Variants in TRPM7 observed in about 807,000 individuals in gnomAD.
TRPM7 encodes transient receptor potential cation channel subfamily M member 7.
In TRPM7, 134 loss-of-function variants were observed where a neutral mutation model predicts 229.7. That is an observed-to-expected ratio of 0.58 (90% CI 0.51 to 0.67). TRPM7 has a LOEUF of 0.67. TRPM7 is among the 30% of genes least tolerant of loss of function. TRPM7 has a pLI of 0.00. For synonymous variants in TRPM7, 699 were observed against 715.2 expected, an observed-to-expected ratio of 0.98 and a Z score of 0.36; for missense variants, 1,901 against 2,210.0, an observed-to-expected ratio of 0.86 and a Z score of 2.80.
chr15:50,573,879 T>C (rs1318319875), intron 36 of TRPM7, among the ~76,000 whole-genome samples: 1 of 152,090 alleles, frequency 6.6e-6, no homozygotes, highest in Non-Finnish European at 1.5e-5. Flanking sequence ...GCCAACATGG[T>C]GAAACCTTGT....
Position 50,592,529 on chromosome 15 carries a change from G to A in TRPM7, c.3706C>T (p.Gln1236Ter). 6.2e-7 allele frequency: 1 copy of A among 1,613,526 alleles called. No homozygotes were observed. Among genetic ancestry groups the A allele is most frequent in the Non-Finnish European group, 8.5e-7 (1 of 1,179,982 alleles). ...QSLDSQIGHL[Q>*]DLSALTVDTL... ...TCTACCGTCAGGGCTGAAAGATCTT[G>A]CAAATGGCCAATTTGAGAATCTAAT... Residue 1236 changes from glutamine to a stop codon, truncating the protein, a stop_gained, in exon 26 of 39, where the codon CAA becomes TAA. Transcript: ENST00000646667. LOFTEE classifies it high-confidence loss of function.
Position 50,558,380 on chromosome 15 carries a change from C to T in TRPM7, c.*3298G>A, listed in dbSNP as rs1280711037. 1.3e-5 allele frequency: 2 copies of T among 152,130 alleles called. No individual in the cohort carries two copies. Among genetic ancestry groups the T allele is most frequent in the African/African-American group, 4.8e-5 (2 of 41,402 alleles). The allele number at this position is 152,130 out of a possible 1,614,324, so 9.4% of individuals were successfully genotyped here. A position where few individuals can be genotyped will look rare whatever the true frequency, so the allele number is the denominator to read the frequency against. Reference sequence around the variant, plus strand: ...GCAACAAGGCTAGACCCCATCTCTACAAAATATATATTTAAAATTAGTTGG... The same window carrying T: ...GCAACAAGGCTAGACCCCATCTCTATAAAATATATATTTAAAATTAGTTGG... On this transcript the variant is annotated 3_prime_UTR_variant, in exon 39 of 39. Coordinates refer to ENST00000646667, the MANE Select transcript of TRPM7 (RefSeq NM_017672.6).
At chr15:50,650,338 A>G (rs1596306004) in intron 3 of TRPM7, among the ~76,000 whole-genome samples, 1 of 152,126 alleles carries the variant, frequency 6.6e-6, no homozygotes, top group Non-Finnish European at 1.5e-5. Context: ...TAGAGATCTC[A>G]TAACACACAA....
intron 1 of TRPM7, among the ~76,000 whole-genome samples, chr15:50,672,194 C>G (rs1358344065): frequency 6.6e-6 from 1 of 152,124 alleles, no homozygotes; most frequent in Non-Finnish European, 1.5e-5. Flanking sequence ...GCTGGGACTA[C>G]AGGCAACCAC....
At chr15:50,655,983 G>T (rs1323762855) in intron 3 of TRPM7, among the ~76,000 whole-genome samples, 1 of 145,138 alleles carries the variant, frequency 6.9e-6, no homozygotes, top group Non-Finnish European at 1.5e-5. Flanking sequence ...AACAGGGCAA[G>T]ACTCCATCTC....
intron 16 of TRPM7, among the ~76,000 whole-genome samples, chr15:50,611,815 T>C (rs1260658280): frequency 1.3e-5 from 2 of 152,330 alleles, no homozygotes; most frequent in East Asian, 3.9e-4. Flanking sequence ...ATACCCCACT[T>C]GGGGAGCCGG....
In TRPM7 at chr15:50,575,087, A is replaced by G; in HGVS notation, c.4784T>C (p.Leu1595Pro). The change falls in exon 34 of 39, where the codon CTA becomes CCA. Residue 1595 changes from leucine (L) to proline (P), a missense_variant. Physicochemically the swap from Leu to Pro is moderately conservative, Grantham distance 98. Coordinates refer to ENST00000646667, the MANE Select transcript of TRPM7 (RefSeq NM_017672.6). Reference protein sequence around the residue: ...YRLEESSPNILNNSMSSWSQL... With the variant: ...YRLEESSPNIPNNSMSSWSQL... ...TGACCAAGAAGACATGCTGTTATTT[A>G]GTATGTTGGGTGAACTCTCTTCCAA... The G allele has an allele frequency of 6.2e-7, 1 of 1,614,072 alleles. No homozygotes were observed. Among genetic ancestry groups the G allele is most frequent in the Admixed American group, 1.7e-5 (1 of 60,020 alleles).
At chr15:50,681,292 CAA>C (rs59878753) in intron 1 of TRPM7, among the ~76,000 whole-genome samples, 2 of 150,264 alleles carry the variant, frequency 1.3e-5, no homozygotes, top group Non-Finnish European at 3.0e-5. Context: ...CACACACACA[CAA>C]AGCATTCAGA....
intron 1 of TRPM7, among the ~76,000 whole-genome samples, chr15:50,671,067 G>C (rs537336556): frequency 6.6e-6 from 1 of 152,156 alleles, no homozygotes; most frequent in East Asian, 1.9e-4. Context: ...TTTGTGGTGA[G>C]ACCACTTAAA....
chr15:50,610,001 T>C (rs201144221), intron 17 of TRPM7, 40 bp from the exon 18 acceptor site: 2 of 1,377,076 alleles, frequency 1.5e-6, no homozygotes, highest in Non-Finnish European at 1.0e-6. Context: ...TAAAAATTAA[T>C]GACCTTCAAG....
chr15:50,591,338 C>T (rs1008960728), intron 26 of TRPM7, among the ~76,000 whole-genome samples: 37 of 152,236 alleles, frequency 2.4e-4, no homozygotes, highest in African/African-American at 8.4e-4. Context: ...TCTCCAAGTA[C>T]TTAAGAATCA....
intron 38 of TRPM7, among the ~76,000 whole-genome samples, chr15:50,564,024 C>G (rs1218940012): frequency 6.6e-6 from 1 of 151,970 alleles, no homozygotes; most frequent in African/African-American, 2.4e-5. Context: ...CCACACATGG[C>G]CAATTTTTAT....
At chr15:50,652,328 CAAAAAAAAAA>C (rs34122648) in intron 3 of TRPM7, among the ~76,000 whole-genome samples, 2 of 34,230 alleles carry the variant, frequency 5.8e-5, no homozygotes, top group Admixed American at 5.0e-4. Context: ...GACTCCATCT[CAAAAAAAAAA>C]AAAAAAAAAA....
At position 50,609,930 on chromosome 15, in the gene TRPM7, A is replaced by T. The variant is rs750638333; in HGVS notation, c.2312T>A (p.Ile771Lys). Residue 771 changes from isoleucine to lysine, a missense_variant, in exon 18 of 39, where the codon ATA (isoleucine) becomes AAA (lysine). By Grantham distance (102) the Ile-to-Lys change is moderately radical (BLOSUM62 -3). Transcript: ENST00000646667. ...CTTAGTTTTATACTCTAACAGCAATATGGCAGGTGGAACTAAAATGCTTAG... is the reference window on the plus strand; with the variant it reads ...CTTAGTTTTATACTCTAACAGCAATTTGGCAGGTGGAACTAAAATGCTTAG... ...VILSILVPPAILLLEYKTKAE... is the reference protein window; with the variant it reads ...VILSILVPPAKLLLEYKTKAE... The T allele has an allele frequency of 6.2e-7, 1 of 1,609,032 alleles. No individual in the cohort carries two copies. Among genetic ancestry groups the T allele is most frequent in the Non-Finnish European group, 8.5e-7 (1 of 1,177,690 alleles).
chr15:50,599,694 C>G (rs1330683033), intron 21 of TRPM7: 1 of 153,724 alleles, frequency 6.5e-6, no homozygotes, highest in Non-Finnish European at 1.4e-5. Context: ...GAAGCACAGA[C>G]TCTCTCTTTT....
chr15:50,630,651 CTTAT>C (rs1332439822), intron 10 of TRPM7, among the ~76,000 whole-genome samples: 1 of 152,094 alleles, frequency 6.6e-6, no homozygotes, highest in East Asian at 1.9e-4. Context: ...CCTTTAAACA[CTTAT>C]TTTTCAGCTG....
chr15:50,571,216 C>T (rs2053869222), intron 36 of TRPM7, among the ~76,000 whole-genome samples: 1 of 152,160 alleles, frequency 6.6e-6, no homozygotes, highest in African/African-American at 2.4e-5. Context: ...GAATGGCAAA[C>T]ATTAAGAATA....
At chr15:50,679,518 ATATATATATATATATATATATT>A (rs1567129246) in intron 1 of TRPM7, among the ~76,000 whole-genome samples, 1,694 of 17,360 alleles carry the variant, frequency 0.098, 87 homozygotes, top group African/African-American at 0.18. Flanking sequence ...TATAATATAT[ATATATATATATATATATATATT>A]TTTTTTTTTT....
Position 50,593,158 on chromosome 15 carries a change from G to A in TRPM7, c.3608+459C>T, listed in dbSNP as rs538522945. On this transcript the variant is annotated intron_variant, in intron 25 of 38. Transcript: ENST00000646667. Reference sequence around the variant, plus strand: ...ATAAAAATCAGCTGGGTGTGGTGGTGCACGCCGGTAATCCTAGCTACTCAG... The same window carrying A: ...ATAAAAATCAGCTGGGTGTGGTGGTACACGCCGGTAATCCTAGCTACTCAG... Among the ~76,000 whole-genome samples, 9 of 152,136 alleles carry A rather than the reference G, an allele frequency of 5.9e-5. No individual in the cohort carries two copies. In the East Asian group the frequency reaches 1.5e-3, roughly 26 times the overall value.
Sources: gnomAD v4.1 joint callset for allele counts (sites outside exome capture counted in the v4.1 genomes callset) on GRCh38, gnomAD v4.1.1 for gene constraint, MANE v1.5 for transcripts, NCBI Gene and HGNC (gene_info 2026-07-23, HGNC 2026-07-21) for gene names.